CNTNAP5: variants seen among roughly 807,000 people sequenced by gnomAD.
CNTNAP5 encodes the protein contactin-associated protein-like 5.
In CNTNAP5, 72 loss-of-function variants were observed where a neutral mutation model predicts 150.2. The ratio of observed to expected loss-of-function variants is 0.48; its 90% CI spans 0.40 to 0.58. CNTNAP5 has a LOEUF of 0.58. Ranked by LOEUF, CNTNAP5 falls within the 20% of genes least tolerant of loss-of-function variation. The pLI is 0.00. For synonymous variants in CNTNAP5, 672 were observed against 619.8 expected (o/e 1.08, Z -1.25); for missense variants, 1,636 against 1,626.2 (o/e 1.01, Z -0.10).
intron 1 of CNTNAP5, among the ~76,000 whole-genome samples, chr2:124,037,384 C>T (rs1219844672): frequency 6.6e-6 from 1 of 152,204 alleles, no homozygotes. Flanking sequence ...TCTGCTCTCC[C>T]ATGTTCATTG....
At chr2:124,271,394 A>G (rs17011244) in intron 3 of CNTNAP5, among the ~76,000 whole-genome samples, 3,054 of 152,200 alleles carry the variant, frequency 0.02, 106 homozygotes, top group African/African-American at 0.068. Flanking sequence ...ACCGAAGCCC[A>G]TTTCATGGTC....
intron 1 of CNTNAP5, among the ~76,000 whole-genome samples, chr2:124,052,289 G>T (rs1280184958): frequency 6.6e-6 from 1 of 152,164 alleles, no homozygotes; most frequent in East Asian, 1.9e-4. Context: ...AGCTAGTATT[G>T]ACTGAAAGAC....
chr2:124,451,535 G>T (rs1692982394), intron 6 of CNTNAP5, among the ~76,000 whole-genome samples: 1 of 152,062 alleles, frequency 6.6e-6, no homozygotes, highest in African/African-American at 2.4e-5. Context: ...CACTTTTGAG[G>T]CAGGGCTGGA....
intron 1 of CNTNAP5, among the ~76,000 whole-genome samples, chr2:124,133,914 A>G (rs1181916564): frequency 6.6e-6 from 1 of 152,228 alleles, no homozygotes; most frequent in African/African-American, 2.4e-5. Context: ...CTTTAACAAA[A>G]CAACACCTGC....
chr2:124,327,202 G>A (rs938563637), intron 3 of CNTNAP5, among the ~76,000 whole-genome samples: 9 of 151,742 alleles, frequency 5.9e-5, no homozygotes, highest in Non-Finnish European at 8.8e-5. Context: ...GGATGGTCTC[G>A]ATCTCCTGAC....
At chr2:124,669,753 G>C (rs1035541584) in intron 13 of CNTNAP5, among the ~76,000 whole-genome samples, 2 of 152,174 alleles carry the variant, frequency 1.3e-5, no homozygotes, top group Non-Finnish European at 2.9e-5. Context: ...AAACCTATGA[G>C]TTATCCTTGG....
At chr2:124,066,706 A>C (rs2104659337) in intron 1 of CNTNAP5, among the ~76,000 whole-genome samples, 1 of 152,290 alleles carries the variant, frequency 6.6e-6, no homozygotes, top group African/African-American at 2.4e-5. Flanking sequence ...GACACTGGAA[A>C]ACACTTAAGA....
intron 16 of CNTNAP5, among the ~76,000 whole-genome samples, chr2:124,768,381 T>C (rs1681114646): frequency 6.7e-6 from 1 of 150,156 alleles, no homozygotes; most frequent in African/African-American, 2.4e-5. Context: ...TTTAACTTTA[T>C]GATTTCAGAA....
chr2:124,199,603 C>T (rs546781191), intron 1 of CNTNAP5, among the ~76,000 whole-genome samples: 29 of 151,806 alleles, frequency 1.9e-4, no homozygotes, highest in Admixed American at 1.5e-3. Flanking sequence ...GTAGTAGAGA[C>T]GGGGTTTCTC....
chr2:124,057,339 T>G (rs1336057405), intron 1 of CNTNAP5, among the ~76,000 whole-genome samples: 1 of 149,320 alleles, frequency 6.7e-6, no homozygotes, highest in Non-Finnish European at 1.5e-5. Flanking sequence ...TGGAGTGCAG[T>G]GGCGTGATCT....
intron 1 of CNTNAP5, among the ~76,000 whole-genome samples, chr2:124,193,287 A>G (rs1289259813): frequency 6.6e-6 from 1 of 152,184 alleles, no homozygotes; most frequent in Non-Finnish European, 1.5e-5. Flanking sequence ...GCCTCTTTTT[A>G]TTTAATTTGT....
chr2:124,256,765 T>A (rs1687326846), intron 3 of CNTNAP5, among the ~76,000 whole-genome samples: 1 of 152,202 alleles, frequency 6.6e-6, no homozygotes, highest in Non-Finnish European at 1.5e-5. Flanking sequence ...AGCTATAAGA[T>A]TAAACTCACT....
intron 2 of CNTNAP5, among the ~76,000 whole-genome samples, chr2:124,223,766 T>C (rs1686385922): frequency 6.6e-6 from 1 of 151,642 alleles, no homozygotes. Context: ...CCGGGGAATT[T>C]GAGTGCCTGA....
chr2:124,611,520 T>C (rs1425618435), intron 12 of CNTNAP5, among the ~76,000 whole-genome samples: 1 of 152,208 alleles, frequency 6.6e-6, no homozygotes, highest in South Asian at 2.1e-4. Context: ...CTTTTCATGG[T>C]TGTGGTAACC....
chr2:124,180,392 G>A (rs1685181441), intron 1 of CNTNAP5, among the ~76,000 whole-genome samples: 1 of 152,056 alleles, frequency 6.6e-6, no homozygotes, highest in South Asian at 2.1e-4. Flanking sequence ...AAATATCAAA[G>A]TTAATATTTT....
chr2:124,844,495 G>C (rs1317097986), intron 19 of CNTNAP5, among the ~76,000 whole-genome samples: 1 of 151,950 alleles, frequency 6.6e-6, no homozygotes, highest in Admixed American at 6.6e-5. Context: ...GCCTATGTGG[G>C]CTATTTTTTG....
chr2:124,551,588 A>G (rs183177094), intron 10 of CNTNAP5, among the ~76,000 whole-genome samples: 135 of 152,316 alleles, frequency 8.9e-4, no homozygotes, highest in African/African-American at 3.2e-3. Flanking sequence ...TTTGAGGACT[A>G]TTGAAATGTT....
At chr2:124,116,776 T>G (rs1406030112) in intron 1 of CNTNAP5, among the ~76,000 whole-genome samples, 1 of 152,228 alleles carries the variant, frequency 6.6e-6, no homozygotes, top group East Asian at 1.9e-4. Flanking sequence ...ACATCCTTCA[T>G]GAGGAAGATC....
chr2:124,782,355 C>G (rs951126008), intron 17 of CNTNAP5, among the ~76,000 whole-genome samples: 2 of 152,144 alleles, frequency 1.3e-5, no homozygotes, highest in Non-Finnish European at 2.9e-5. Context: ...CTAGATATTT[C>G]AGTATTTTAT....
Sources: allele counts gnomAD v4.1 joint callset (sites outside exome capture counted in the v4.1 genomes callset), GRCh38; gene constraint gnomAD v4.1.1; transcripts MANE v1.5; gene names NCBI Gene and HGNC (gene_info 2026-07-23, HGNC 2026-07-21).